Variants in PDLIM5 observed in about 807,000 individuals in gnomAD.
PDLIM5 encodes the protein PDZ and LIM domain protein 5.
Under a neutral mutation model 64.2 loss-of-function variants are expected in PDLIM5, and 34 were observed. The ratio of observed to expected loss-of-function variants is 0.53; its 90% CI spans 0.40 to 0.71. The LOEUF (loss-of-function observed/expected upper bound fraction) is 0.71, where lower values mean the gene tolerates loss of function less well. Among genes scored for constraint, PDLIM5 ranks in the 30% least tolerant of loss-of-function variants. PDLIM5 has a pLI of 0.00. For missense variants in PDLIM5, 683 were observed against 733.6 expected (o/e 0.93, Z 0.80); for synonymous variants, 253 against 269.1 (o/e 0.94, Z 0.59).
intron 2 of PDLIM5, among the ~76,000 whole-genome samples, chr4:94,522,976 A>G (rs543944278): frequency 6.6e-6 from 1 of 152,240 alleles, no homozygotes; most frequent in South Asian, 2.1e-4. Flanking sequence ...AGTATAATAT[A>G]TCTGCTTCTT....
chr4:94,646,138 T>G (rs927144162), intron 9 of PDLIM5, among the ~76,000 whole-genome samples: 1 of 152,204 alleles, frequency 6.6e-6, no homozygotes, highest in Non-Finnish European at 1.5e-5. Flanking sequence ...GACATGCTCT[T>G]TTTTCTTAAG....
chr4:94,497,530 A>T (rs927756726), intron 2 of PDLIM5, among the ~76,000 whole-genome samples: 2 of 152,308 alleles, frequency 1.3e-5, no homozygotes, highest in African/African-American at 4.8e-5. Context: ...AAATAAATTG[A>T]TTATGCTCAT....
intron 3 of PDLIM5, among the ~76,000 whole-genome samples, chr4:94,567,416 T>A (rs28612590): frequency 0.063 from 9,641 of 152,204 alleles, 459 homozygotes; most frequent in African/African-American, 0.13. Flanking sequence ...TCTACCTGAT[T>A]GAAGTTGGAA....
chr4:94,650,273 C>G (rs1450165472), intron 9 of PDLIM5, among the ~76,000 whole-genome samples: 1 of 152,124 alleles, frequency 6.6e-6, no homozygotes, highest in African/African-American at 2.4e-5. Context: ...GTTCCTATTT[C>G]ACTCTATTCC....
At chr4:94,594,599 G>GCA (rs112401177) in intron 7 of PDLIM5, among the ~76,000 whole-genome samples, 48 of 150,506 alleles carry the variant, frequency 3.2e-4, no homozygotes, top group Middle Eastern at 3.5e-3. Flanking sequence ...TGTTATACAT[G>GCA]CACACACACA....
At chr4:94,496,553 A>C (rs1727415062) in intron 2 of PDLIM5, among the ~76,000 whole-genome samples, 1 of 152,182 alleles carries the variant, frequency 6.6e-6, no homozygotes, top group Non-Finnish European at 1.5e-5. Context: ...GCAGTGGTAC[A>C]ATCTCTGTTC....
chr4:94,542,307 CAAATAAATAAAT>C (rs547938931), intron 3 of PDLIM5, among the ~76,000 whole-genome samples: 6 of 150,200 alleles, frequency 4.0e-5, no homozygotes, highest in African/African-American at 1.5e-4. Context: ...GTGAAACTGT[CAAATAAATAAAT>C]AAATAAATAA....
intron 3 of PDLIM5, among the ~76,000 whole-genome samples, chr4:94,543,940 C>G (rs1330803168): frequency 6.6e-6 from 1 of 151,844 alleles, no homozygotes. Context: ...GGATATATAC[C>G]CAAGAGTGGG....
At chr4:94,623,796 C>T (rs564201384) in intron 8 of PDLIM5, among the ~76,000 whole-genome samples, 1 of 152,238 alleles carries the variant, frequency 6.6e-6, no homozygotes, top group South Asian at 2.1e-4. Context: ...ATTCCCACAA[C>T]AGTCATTGAA....
At chr4:94,542,674 C>T (rs1350487320) in intron 3 of PDLIM5, among the ~76,000 whole-genome samples, 1 of 152,106 alleles carries the variant, frequency 6.6e-6, no homozygotes, top group African/African-American at 2.4e-5. Context: ...GAAAATGAAT[C>T]TTTTTTCTTT....
chr4:94,512,856 C>T (rs1729011172), intron 2 of PDLIM5, among the ~76,000 whole-genome samples: 3 of 152,036 alleles, frequency 2.0e-5, no homozygotes, highest in Non-Finnish European at 4.4e-5. Flanking sequence ...GTAATAGTTT[C>T]ATAGTTTGAG....
At chr4:94,656,466 T>C (rs1330155244) in intron 10 of PDLIM5, among the ~76,000 whole-genome samples, 1 of 151,842 alleles carries the variant, frequency 6.6e-6, no homozygotes, top group South Asian at 2.1e-4. Flanking sequence ...CACATTCGAG[T>C]CTGTGCTTAG....
At chr4:94,548,598 A>T in intron 3 of PDLIM5, among the ~76,000 whole-genome samples, 1 of 152,196 alleles carries the variant, frequency 6.6e-6, no homozygotes, top group East Asian at 1.9e-4. Context: ...CTAAGGGAAG[A>T]TAAGAGAGGA....
At chr4:94,479,090 G>A (rs62319387) in intron 2 of PDLIM5, among the ~76,000 whole-genome samples, 20,656 of 150,796 alleles carry the variant, frequency 0.14, 2,646 homozygotes, top group African/African-American at 0.35. Flanking sequence ...GTAAAGACAG[G>A]ATTCTCACCA....
Position 94,577,205 on chromosome 4 carries a change from A to G in PDLIM5, c.710+1171A>G, listed in dbSNP as rs1354484212. 4 of 457,276 alleles carry G rather than the reference A, an allele frequency of 8.7e-6. No homozygotes were observed. In the Admixed American group the frequency reaches 9.4e-5, roughly 11 times the overall value. 28.3% of individuals were successfully genotyped at this position (457,276 alleles called of 1,614,324 possible). A position where few individuals can be genotyped will look rare whatever the true frequency, so the allele number is the denominator to read the frequency against. ...GTCTACAGGCCTGATGGTTTTTACCAATGCCAGTTCCCAGGAAAATATAAT... is the reference window on the plus strand; with the variant it reads ...GTCTACAGGCCTGATGGTTTTTACCGATGCCAGTTCCCAGGAAAATATAAT... On this transcript the variant is annotated intron_variant, in intron 5 of 12. Coordinates refer to ENST00000317968, the MANE Select transcript of PDLIM5 (RefSeq NM_006457.5).
At chr4:94,610,933 G>A (rs964748449) in intron 7 of PDLIM5, 1 of 602,690 alleles carries the variant, frequency 1.7e-6, no homozygotes, top group Non-Finnish European at 2.9e-6. Flanking sequence ...GCTGCTTTGT[G>A]CTTCCCCTCC....
At chr4:94,559,063 A>G (rs1733617276) in intron 3 of PDLIM5, among the ~76,000 whole-genome samples, 1 of 152,186 alleles carries the variant, frequency 6.6e-6, no homozygotes, top group South Asian at 2.1e-4. Context: ...CTAGTAAGAA[A>G]TTGTGATTAG....
chr4:94,466,861 A>G (rs562690028), intron 2 of PDLIM5, among the ~76,000 whole-genome samples: 7 of 152,218 alleles, frequency 4.6e-5, no homozygotes, highest in Non-Finnish European at 1.0e-4. Flanking sequence ...TGAAATTGGC[A>G]TGCTATTTAT....
chr4:94,517,464 A>T (rs2452568), intron 2 of PDLIM5, among the ~76,000 whole-genome samples: 32,368 of 152,200 alleles, frequency 0.21, 3,700 homozygotes, highest in East Asian at 0.28. Flanking sequence ...TAAGAAAAAT[A>T]ACACTTTCTC....
Sources: allele counts gnomAD v4.1 joint callset (sites outside exome capture counted in the v4.1 genomes callset), GRCh38; gene constraint gnomAD v4.1.1; transcripts MANE v1.5; gene names NCBI Gene and HGNC (gene_info 2026-07-23, HGNC 2026-07-21).